ZFPM2: variants seen among roughly 807,000 people sequenced by gnomAD.
ZFPM2 encodes zinc finger protein, FOG family member 2.
A neutral mutation model predicts 98.6 loss-of-function variants in ZFPM2; 20 were observed. The ratio of observed to expected loss-of-function variants is 0.20; its 90% CI spans 0.14 to 0.29. ZFPM2 has a LOEUF of 0.29. Among genes scored for constraint, ZFPM2 ranks in the 10% least tolerant of loss-of-function variants. The probability of loss-of-function intolerance (pLI) is 1.00; values close to 1 mark genes in which losing one functional copy is unlikely to be tolerated. For synonymous variants in ZFPM2, 518 were observed against 502.7 expected, an observed-to-expected ratio of 1.03 and a Z score of -0.41; for missense variants, 1,310 against 1,388.6, an observed-to-expected ratio of 0.94 and a Z score of 0.90.
chr8:105,702,585 C>A (rs1304364709), intron 5 of ZFPM2, among the ~76,000 whole-genome samples: 1 of 151,900 alleles, frequency 6.6e-6, no homozygotes, highest in African/African-American at 2.4e-5. Flanking sequence ...TAACGGCAAA[C>A]CAAAATTATC....
At chr8:105,657,885 C>A (rs1378529007) in intron 5 of ZFPM2, among the ~76,000 whole-genome samples, 2 of 152,016 alleles carry the variant, frequency 1.3e-5, no homozygotes, top group Non-Finnish European at 2.9e-5. Flanking sequence ...ACATGCCTAC[C>A]AAATTAATAG....
chr8:105,505,290 G>A (rs756342550), intron 3 of ZFPM2, among the ~76,000 whole-genome samples: 1 of 152,158 alleles, frequency 6.6e-6, no homozygotes, highest in Admixed American at 6.6e-5. Context: ...AGTACTACTA[G>A]TAGTAATAGT....
intron 4 of ZFPM2, among the ~76,000 whole-genome samples, chr8:105,609,859 T>G (rs1271109818): frequency 6.6e-6 from 1 of 152,152 alleles, no homozygotes; most frequent in African/African-American, 2.4e-5. Context: ...TGAATGGAAA[T>G]CCTTTAATGT....
At chr8:105,349,792 A>G (rs1812608380) in intron 1 of ZFPM2, among the ~76,000 whole-genome samples, 1 of 152,196 alleles carries the variant, frequency 6.6e-6, no homozygotes, top group South Asian at 2.1e-4. Context: ...CTATATTTTT[A>G]TGTAATATAC....
chr8:105,646,960 G>T (rs1367422841), intron 5 of ZFPM2, among the ~76,000 whole-genome samples: 1 of 152,156 alleles, frequency 6.6e-6, no homozygotes, highest in Non-Finnish European at 1.5e-5. Flanking sequence ...GTGGGAAAGG[G>T]ATGTAACCTA....
At chr8:105,381,897 G>A (rs13282243) in intron 1 of ZFPM2, among the ~76,000 whole-genome samples, 1 of 151,732 alleles carries the variant, frequency 6.6e-6, no homozygotes, top group Non-Finnish European at 1.5e-5. Context: ...CATGATATAG[G>A]CTATAAGTTG....
chr8:105,681,387 G>C (rs1225428413), intron 5 of ZFPM2, among the ~76,000 whole-genome samples: 1 of 152,078 alleles, frequency 6.6e-6, no homozygotes, highest in African/African-American at 2.4e-5. Context: ...ATTTAGTTCT[G>C]ATGACATTCT....
chr8:105,505,621 A>C (rs1813683402), intron 3 of ZFPM2, among the ~76,000 whole-genome samples: 1 of 152,122 alleles, frequency 6.6e-6, no homozygotes, highest in South Asian at 2.1e-4. Context: ...TAATTAGTTA[A>C]ATGCTATATT....
At chr8:105,585,477 A>G (rs1438854233) in intron 4 of ZFPM2, among the ~76,000 whole-genome samples, 1 of 152,180 alleles carries the variant, frequency 6.6e-6, no homozygotes, top group African/African-American at 2.4e-5. Flanking sequence ...TAGTAGATTC[A>G]TAGAGAGTAA....
intron 2 of ZFPM2, among the ~76,000 whole-genome samples, chr8:105,433,855 G>A (rs1483343624): frequency 6.6e-6 from 1 of 152,170 alleles, no homozygotes; most frequent in African/African-American, 2.4e-5. Context: ...GTTATCAACT[G>A]TTTCAGGATT....
intron 5 of ZFPM2, among the ~76,000 whole-genome samples, chr8:105,639,176 T>A (rs1339764314): frequency 6.6e-6 from 1 of 152,114 alleles, no homozygotes; most frequent in Non-Finnish European, 1.5e-5. Flanking sequence ...ACTGATGATC[T>A]ACTTCTTTAC....
chr8:105,456,172 T>TTTTTTTTTTTTTTC (rs1812589626), intron 3 of ZFPM2, among the ~76,000 whole-genome samples: 1 of 149,060 alleles, frequency 6.7e-6, no homozygotes. Context: ...TTGTTTGTTT[T>TTTTTTTTTTTTTTC]TTTTTTAAGA....
At chr8:105,488,196 C>T (rs572090820) in intron 3 of ZFPM2, among the ~76,000 whole-genome samples, 1 of 152,198 alleles carries the variant, frequency 6.6e-6, no homozygotes, top group Admixed American at 6.5e-5. Flanking sequence ...TGAACAAAAT[C>T]CCAAAATAAC....
intron 3 of ZFPM2, among the ~76,000 whole-genome samples, chr8:105,546,388 T>A (rs1341550033): frequency 1.3e-5 from 2 of 151,596 alleles, no homozygotes; most frequent in Non-Finnish European, 2.9e-5. Context: ...ACCAGCCTGA[T>A]CAACATGGAG....
chr8:105,379,614 G>A (rs1200112614), intron 1 of ZFPM2, among the ~76,000 whole-genome samples: 2 of 152,002 alleles, frequency 1.3e-5, no homozygotes, highest in Non-Finnish European at 2.9e-5. Context: ...TTAACCAGGC[G>A]GGGTGGCGGA....
At chr8:105,422,385 C>A (rs1440510789) in intron 2 of ZFPM2, among the ~76,000 whole-genome samples, 3 of 152,096 alleles carry the variant, frequency 2.0e-5, no homozygotes, top group Non-Finnish European at 4.4e-5. Flanking sequence ...AGGTTACAGA[C>A]AGCCGAGATT....
At chr8:105,575,176 G>C (rs1815438423) in intron 4 of ZFPM2, among the ~76,000 whole-genome samples, 1 of 152,164 alleles carries the variant, frequency 6.6e-6, no homozygotes, top group African/African-American at 2.4e-5. Flanking sequence ...AGTGCGTGAT[G>C]AAAGTCAAAC....
chr8:105,792,594 A>G (rs959430294), intron 6 of ZFPM2, among the ~76,000 whole-genome samples: 6 of 152,274 alleles, frequency 3.9e-5, no homozygotes, highest in Non-Finnish European at 7.3e-5. Flanking sequence ...GTAGATGTCT[A>G]TTAGGTCTGC....
At chr8:105,407,620 T>C (rs1289801341) in intron 1 of ZFPM2, among the ~76,000 whole-genome samples, 5 of 151,876 alleles carry the variant, frequency 3.3e-5, no homozygotes, top group Non-Finnish European at 7.4e-5. Context: ...TATTCTGGAA[T>C]TATCTTGAGG....
Sources: gnomAD v4.1 joint callset for allele counts (sites outside exome capture counted in the v4.1 genomes callset) on GRCh38, gnomAD v4.1.1 for gene constraint, MANE v1.5 for transcripts, NCBI Gene and HGNC (gene_info 2026-07-23, HGNC 2026-07-21) for gene names.